Variants in LRRTM4 observed in about 807,000 individuals in gnomAD.
LRRTM4 encodes the protein leucine-rich repeat transmembrane neuronal protein 4.
In LRRTM4, 25 loss-of-function variants were observed where a neutral mutation model predicts 47.6. The ratio of observed to expected loss-of-function variants is 0.53; its 90% CI spans 0.38 to 0.73. The LOEUF (loss-of-function observed/expected upper bound fraction) is 0.73. Ranked by LOEUF, LRRTM4 falls within the 30% of genes least tolerant of loss-of-function variation. The pLI, the probability that LRRTM4 is intolerant of heterozygous loss-of-function variation, is 0.00. For missense variants in LRRTM4, 638 were observed against 713.4 expected, an observed-to-expected ratio of 0.89 and a Z score of 1.20; for synonymous variants, 311 against 269.5, an observed-to-expected ratio of 1.15 and a Z score of -1.51.
rs185752053 is a variant in LRRTM4, at chr2:77,082,730, C to T, written c.1552-333814G>A. 1.4e-3 allele frequency among the ~76,000 whole-genome samples: 220 copies of T among 151,986 alleles called. 1 individual carries two copies. Among genetic ancestry groups the T allele is most frequent in the African/African-American group, 5.0e-3 (207 of 41,478 alleles). On this transcript the variant is annotated intron_variant, in intron 3 of 3. Transcript: ENST00000409884. ...ATCCTATTTGTTCTGGAATTAATGT[C>T]AGAGAAAAAAAGTCTATTTTGAACA...
intron 3 of LRRTM4, among the ~76,000 whole-genome samples, chr2:76,859,913 A>C (rs1344991786): frequency 1.3e-5 from 2 of 152,170 alleles, no homozygotes; most frequent in Non-Finnish European, 2.9e-5. Context: ...GACCAGATGA[A>C]GTTGTTTAGT....
At chr2:77,001,302 T>G (rs1346156459) in intron 3 of LRRTM4, among the ~76,000 whole-genome samples, 2 of 152,140 alleles carry the variant, frequency 1.3e-5, no homozygotes, top group African/African-American at 4.8e-5. Flanking sequence ...ATTATTGTTT[T>G]AGGATTACAC....
At chr2:76,833,662 A>T (rs1671422279) in intron 3 of LRRTM4, among the ~76,000 whole-genome samples, 2 of 151,974 alleles carry the variant, frequency 1.3e-5, no homozygotes, top group Non-Finnish European at 2.9e-5. Flanking sequence ...CTAAATTGTT[A>T]TTCTTTAAAG....
rs1388671530 is a variant in LRRTM4, at chr2:77,496,937, G to C, written c.1551+21381C>G. The stretch of plus-strand genomic sequence containing the variant: ...TTGCCACCTACACCTAGATTTTTAT[G>C]TGTGGGTAAGCTTGTAAGTACACAC... On this transcript the variant is annotated intron_variant, in intron 3 of 3. Transcript: ENST00000409884. Among the ~76,000 whole-genome samples the C allele has an allele frequency of 3.3e-5, 5 of 151,656 alleles. No homozygotes were observed. In the East Asian group the frequency reaches 9.7e-4, roughly 29 times the overall value.
intron 3 of LRRTM4, among the ~76,000 whole-genome samples, chr2:76,902,188 A>AG (rs1673660319): frequency 2.0e-5 from 3 of 152,146 alleles, no homozygotes; most frequent in Admixed American, 1.3e-4. Context: ...TCCATCTCCA[A>AG]GTCTTTGTGA....
At chr2:76,981,690 G>A (rs1177916757) in intron 3 of LRRTM4, among the ~76,000 whole-genome samples, 10 of 151,888 alleles carry the variant, frequency 6.6e-5, no homozygotes, top group Non-Finnish European at 1.5e-4. Context: ...AAGGAGTCTC[G>A]TTATTTTGCC....
In LRRTM4 at chr2:76,924,170, T is replaced by A. The variant is rs551814930; in HGVS notation, c.1552-175254A>T. On this transcript the variant is annotated intron_variant, in intron 3 of 3. Transcript: ENST00000409884. ...TGAAAAGTTATATTATAAAAACTCA[T>A]CTCCTTTCAGAAATTCACTTATCCT... Among the ~76,000 whole-genome samples, 6 of 152,056 alleles carry A rather than the reference T, an allele frequency of 3.9e-5. No homozygotes were observed. The South Asian group carries it at 1.2e-3, about 31-fold the overall frequency.
chr2:77,005,567 G>A (rs1487200394), intron 3 of LRRTM4, among the ~76,000 whole-genome samples: 1 of 152,196 alleles, frequency 6.6e-6, no homozygotes, highest in Admixed American at 6.6e-5. Context: ...TGTCATGGAA[G>A]GGACCCAGTG....
At chr2:77,239,206 C>T (rs1675193298) in intron 3 of LRRTM4, among the ~76,000 whole-genome samples, 2 of 151,172 alleles carry the variant, frequency 1.3e-5, no homozygotes, top group African/African-American at 4.9e-5. Context: ...AACAATAGTG[C>T]AAAAGAAGAG....
At chr2:77,421,568 G>A (rs908112503) in intron 3 of LRRTM4, among the ~76,000 whole-genome samples, 5 of 152,104 alleles carry the variant, frequency 3.3e-5, no homozygotes, top group South Asian at 2.1e-4. Context: ...TTAGCCGGGC[G>A]TGTTGGCGGG....
rs1674259232 is a variant in LRRTM4, at chr2:77,407,682, TTA to T, written c.1551+110634_1551+110635del. Among the ~76,000 whole-genome samples the T allele has an allele frequency of 2.1e-5, 3 of 140,010 alleles. 1 individual carries two copies. The highest frequency in any genetic ancestry group is 7.5e-5 in the Admixed American group (1 of 13,322). 91.9% of individuals were successfully genotyped at this position (140,010 alleles called of 152,430 possible). On this transcript the variant is annotated intron_variant, in intron 3 of 3. Coordinates refer to ENST00000409884, the MANE Select transcript of LRRTM4 (RefSeq NM_001134745.3). ...ATTATATATAATAATTATATAATAT[TTA>T]ATATAATATATGATATATATAATAT...
chr2:77,071,714 ACAAC>A (rs985716523), intron 3 of LRRTM4, among the ~76,000 whole-genome samples: 8 of 152,372 alleles, frequency 5.3e-5, no homozygotes, highest in Admixed American at 4.6e-4. Context: ...TTGTTTAATA[ACAAC>A]CAACTAAAGA....
intron 3 of LRRTM4, among the ~76,000 whole-genome samples, chr2:77,382,446 G>C (rs758466791): frequency 1.3e-5 from 2 of 152,084 alleles, no homozygotes; most frequent in Admixed American, 1.3e-4. Context: ...CCAAGAAATT[G>C]TAAGTCAGTG....
chr2:77,086,101 G>A (rs552924192), intron 3 of LRRTM4, among the ~76,000 whole-genome samples: 24 of 152,130 alleles, frequency 1.6e-4, no homozygotes, highest in South Asian at 8.3e-4. Context: ...CACTGAAGCC[G>A]GACTGTAAAA....
At chr2:76,832,947 G>A (rs1424962225) in intron 3 of LRRTM4, among the ~76,000 whole-genome samples, 2 of 152,074 alleles carry the variant, frequency 1.3e-5, no homozygotes, top group Non-Finnish European at 2.9e-5. Flanking sequence ...TCCATGTTGA[G>A]AAGGAGAGTA....
chr2:76,835,533 GTAA>G (rs949285397), intron 3 of LRRTM4, among the ~76,000 whole-genome samples: 8 of 152,114 alleles, frequency 5.3e-5, no homozygotes, highest in African/African-American at 1.9e-4. Context: ...TTTTAGAGTT[GTAA>G]TAATATATTC....
At chr2:77,049,226 A>G (rs1477074039) in intron 3 of LRRTM4, among the ~76,000 whole-genome samples, 1 of 146,188 alleles carries the variant, frequency 6.8e-6, no homozygotes, top group Non-Finnish European at 1.5e-5. Flanking sequence ...TTCATTCCTT[A>G]TCTCTGCTAT....
chr2:76,775,275 CATGGTTAT>C (rs1445963009), intron 3 of LRRTM4, among the ~76,000 whole-genome samples: 1 of 152,122 alleles, frequency 6.6e-6, no homozygotes, highest in Admixed American at 6.6e-5. Context: ...AATGTTCAAT[CATGGTTAT>C]CTTCCACAAC....
intron 3 of LRRTM4, among the ~76,000 whole-genome samples, chr2:77,041,538 A>G (rs1320683615): frequency 6.6e-6 from 1 of 151,440 alleles, no homozygotes; most frequent in African/African-American, 2.4e-5. Flanking sequence ...AACAATGTAT[A>G]AGAATTTGCC....
Sources: allele counts gnomAD v4.1 joint callset (sites outside exome capture counted in the v4.1 genomes callset), GRCh38; gene constraint gnomAD v4.1.1; transcripts MANE v1.5; gene names NCBI Gene and HGNC (gene_info 2026-07-23, HGNC 2026-07-21).